The following ORC5 variants were observed in gnomAD, a reference collection of about 807,000 sequenced individuals.
The protein encoded by ORC5 is protein phosphatase 1, regulatory subunit 117.
A neutral mutation model predicts 58.8 loss-of-function variants in ORC5; 39 were observed. That is an observed-to-expected ratio of 0.66 (90% CI 0.51 to 0.87). The LOEUF is 0.87. Ranked by LOEUF, ORC5 falls within the 40% of genes least tolerant of loss-of-function variation. ORC5 has a pLI of 0.00. For missense variants in ORC5, 493 were observed against 506.3 expected, an observed-to-expected ratio of 0.97 and a Z score of 0.25; for synonymous variants, 218 against 177.6, an observed-to-expected ratio of 1.23 and a Z score of -1.81.
At chr7:104,145,235 A>T (rs1798736822) in intron 12 of ORC5, among the ~76,000 whole-genome samples, 1 of 152,214 alleles carries the variant, frequency 6.6e-6, no homozygotes, top group Admixed American at 6.5e-5. Flanking sequence ...ATGGCTAAGT[A>T]TATTAACTTC....
intron 8 of ORC5, among the ~76,000 whole-genome samples, chr7:104,174,824 A>G (rs986768784): frequency 6.6e-6 from 1 of 152,170 alleles, no homozygotes; most frequent in African/African-American, 2.4e-5. Context: ...TAAGGGAAGA[A>G]TACCTCCAGT....
intron 13 of ORC5, among the ~76,000 whole-genome samples, chr7:104,130,856 C>A (rs1009481457): frequency 3.9e-5 from 6 of 152,178 alleles, no homozygotes; most frequent in African/African-American, 1.4e-4. Context: ...ATGCTAGGCA[C>A]TGAATTATTA....
At position 104,129,889 on chromosome 7, in the gene ORC5, A is replaced by G. The variant is rs1183865125; in HGVS notation, c.1263-2996T>C. Among the ~76,000 whole-genome samples the G allele has an allele frequency of 6.6e-6, 1 of 152,220 alleles. No homozygotes were observed. The highest frequency in any genetic ancestry group is 1.5e-5 in the Non-Finnish European group (1 of 68,030). ...TTTTCCTAGGAGTAATTCTTAAATC[A>G]GAATTTAGAATACGTTAATACAACT... On this transcript the variant is annotated intron_variant, in intron 13 of 13. Coordinates refer to ENST00000297431, the MANE Select transcript of ORC5 (RefSeq NM_002553.4). This position sits in a 1 kb window ranked among gnomAD's most constrained non-coding sequence, Gnocchi z 4.9.
At chr7:104,161,617 C>A (rs902287975) in intron 11 of ORC5, among the ~76,000 whole-genome samples, 2 of 152,146 alleles carry the variant, frequency 1.3e-5, no homozygotes, top group Non-Finnish European at 2.9e-5. Flanking sequence ...AAGCAATCCT[C>A]CCCACCTTGG....
At chr7:104,187,330 G>T (rs1799568893) in intron 6 of ORC5, among the ~76,000 whole-genome samples, 1 of 152,168 alleles carries the variant, frequency 6.6e-6, no homozygotes, top group Admixed American at 6.5e-5. Flanking sequence ...ATGTAAATCA[G>T]AGGAGCCCTG....
chr7:104,170,125 T>C (rs1799184626), intron 8 of ORC5, among the ~76,000 whole-genome samples: 1 of 152,218 alleles, frequency 6.6e-6, no homozygotes, highest in South Asian at 2.1e-4. Flanking sequence ...CTTGAGTTTC[T>C]TGAAATTGTT....
Position 104,126,493 on chromosome 7 carries a change from C to T in ORC5, c.*355G>A, listed in dbSNP as rs370206752. On this transcript the variant is annotated 3_prime_UTR_variant, in exon 14 of 14. Transcript: ENST00000297431. ...GGCATATAAACAAGGGCTGCTGGCA[C>T]GTTCAAAGCGCAGGGGATAGTTCAC... 5 of 187,868 alleles carry T rather than the reference C, an allele frequency of 2.7e-5. No individual in the cohort carries two copies. Among genetic ancestry groups the T allele is most frequent in the Non-Finnish European group, 4.4e-5 (4 of 91,632 alleles). The allele number at this position is 187,868 out of a possible 1,614,324, so 11.6% of individuals were successfully genotyped here.
intron 12 of ORC5, among the ~76,000 whole-genome samples, chr7:104,150,265 T>C (rs1438965910): frequency 6.6e-6 from 1 of 152,236 alleles, no homozygotes; most frequent in African/African-American, 2.4e-5. Flanking sequence ...AGAAATATCC[T>C]ATCCTGCTTG....
At chr7:104,171,020 T>C (rs1234603133) in intron 8 of ORC5, among the ~76,000 whole-genome samples, 1 of 152,200 alleles carries the variant, frequency 6.6e-6, no homozygotes, top group African/African-American at 2.4e-5. Context: ...TCATTTTCAT[T>C]TCTGAGATAA....
chr7:104,134,589 A>G (rs1381778321), intron 13 of ORC5, among the ~76,000 whole-genome samples: 1 of 152,040 alleles, frequency 6.6e-6, no homozygotes, highest in Non-Finnish European at 1.5e-5. Context: ...CATTTTTATA[A>G]GAAGTTGGGG....
At chr7:104,149,542 T>G (rs980849839) in intron 12 of ORC5, among the ~76,000 whole-genome samples, 5 of 152,206 alleles carry the variant, frequency 3.3e-5, no homozygotes, top group Admixed American at 1.3e-4. Context: ...AACAAAGTTT[T>G]GTTTTTGTTT....
chr7:104,134,201 C>G (rs894889585), intron 13 of ORC5, among the ~76,000 whole-genome samples: 1 of 151,840 alleles, frequency 6.6e-6, no homozygotes, highest in African/African-American at 2.4e-5. Context: ...GCAGGCAGAT[C>G]AACTTGAGGT....
chr7:104,176,533 C>A (rs1671966979), intron 8 of ORC5, among the ~76,000 whole-genome samples: 1 of 139,462 alleles, frequency 7.2e-6, no homozygotes, highest in Admixed American at 6.8e-5. Flanking sequence ...GTCTTACGAT[C>A]TCTCTGCTTT....
At chr7:104,130,641 A>G (rs976461912) in intron 13 of ORC5, among the ~76,000 whole-genome samples, 2 of 152,146 alleles carry the variant, frequency 1.3e-5, no homozygotes, top group African/African-American at 4.8e-5. Flanking sequence ...TGACTTCACT[A>G]TATATTTCTC....
chr7:104,188,914 G>C (rs975248619), intron 5 of ORC5, among the ~76,000 whole-genome samples: 1 of 152,094 alleles, frequency 6.6e-6, no homozygotes, highest in African/African-American at 2.4e-5. Flanking sequence ...ATGTGAAGAT[G>C]TGTTTGCTTC....
At chr7:104,161,315 G>T in intron 11 of ORC5, 133 bp from the exon 12 acceptor site, 1 of 556,832 alleles carries the variant, frequency 1.8e-6, no homozygotes, top group Non-Finnish European at 3.2e-6. Flanking sequence ...AATCTAACCT[G>T]CAAACTCTAA....
At chr7:104,207,273 G>C (rs750470871) in intron 1 of ORC5, among the ~76,000 whole-genome samples, 1 of 152,132 alleles carries the variant, frequency 6.6e-6, no homozygotes, top group Non-Finnish European at 1.5e-5. Flanking sequence ...ATCCAGACAA[G>C]ACAAACTCCT....
At chr7:104,130,851 A>G (rs1798502351) in intron 13 of ORC5, among the ~76,000 whole-genome samples, 1 of 152,184 alleles carries the variant, frequency 6.6e-6, no homozygotes, top group Non-Finnish European at 1.5e-5. Flanking sequence ...TCTATATGCT[A>G]GGCACTGAAT....
intron 8 of ORC5, among the ~76,000 whole-genome samples, chr7:104,173,710 C>CCT (rs1262345059): frequency 3.3e-5 from 5 of 152,148 alleles, no homozygotes; most frequent in Admixed American, 2.0e-4. Flanking sequence ...GACAAGTGTC[C>CCT]TTCTGGTTTG....
Sources: gnomAD v4.1 joint callset for allele counts (sites outside exome capture counted in the v4.1 genomes callset) on GRCh38, gnomAD v4.1.1 for gene constraint, Gnocchi (gnomAD v3.1) non-coding constraint, MANE v1.5 for transcripts, NCBI Gene and HGNC (gene_info 2026-07-23, HGNC 2026-07-21) for gene names.